UST: variants seen among roughly 807,000 people sequenced by gnomAD.
UST encodes uronyl 2-sulfotransferase, also known as chondroitin sulfate 2-O-sulfotransferase.
Under a neutral mutation model 45.6 loss-of-function variants are expected in UST, and 21 were observed. That is an observed-to-expected ratio of 0.46 (90% confidence interval 0.33 to 0.66). The LOEUF is 0.66. UST is among the 30% of genes least tolerant of loss of function. The pLI, the probability that UST is intolerant of heterozygous loss-of-function variation, is 0.02. For missense variants in UST, 463 were observed against 512.4 expected (o/e 0.90, Z 0.93); for synonymous variants, 215 against 200.6 (o/e 1.07, Z -0.61).
intron 1 of UST, among the ~76,000 whole-genome samples, chr6:148,866,493 A>G (rs1477835948): frequency 3.9e-5 from 6 of 152,160 alleles, no homozygotes; most frequent in African/African-American, 7.2e-5. Flanking sequence ...TGCGAAAACA[A>G]CATCCACCTG....
chr6:149,036,980 T>TATCA (rs1776247895), intron 7 of UST, among the ~76,000 whole-genome samples: 1 of 152,156 alleles, frequency 6.6e-6, no homozygotes, highest in Admixed American at 6.5e-5. Context: ...CATTTAAAGG[T>TATCA]ATCATTCCAC....
chr6:148,905,070 T>A (rs1476298107), intron 2 of UST, among the ~76,000 whole-genome samples: 1 of 152,226 alleles, frequency 6.6e-6, no homozygotes. Flanking sequence ...ACTTATAAAA[T>A]AGGAAGTAAT....
Position 149,073,826 on chromosome 6 carries a change from C to G in UST, c.938-7C>G. Reference sequence around the variant, plus strand: ...ATGGCTCATGTGCGACCCCGGTTCTCTTCCAGAGCACAGGAAGCTTGGAAA... The same window carrying G: ...ATGGCTCATGTGCGACCCCGGTTCTGTTCCAGAGCACAGGAAGCTTGGAAA... On this transcript the variant is annotated splice_polypyrimidine_tract_variant and splice_region_variant and intron_variant, in intron 7 of 7. Coordinates refer to ENST00000367463, the MANE Select transcript of UST (RefSeq NM_005715.3). 6.2e-7 allele frequency: 1 copy of G among 1,611,716 alleles called. No individual in the cohort carries two copies.
intron 1 of UST, among the ~76,000 whole-genome samples, chr6:148,774,284 AT>A: frequency 1.3e-5 from 2 of 148,926 alleles, no homozygotes; most frequent in Non-Finnish European, 1.5e-5. Context: ...ATATATATAT[AT>A]ATATAAAAAT....
intron 7 of UST, among the ~76,000 whole-genome samples, chr6:149,042,097 A>T (rs976605267): frequency 6.6e-6 from 1 of 152,232 alleles, no homozygotes; most frequent in Non-Finnish European, 1.5e-5. Context: ...GGGCTACCTA[A>T]TGTAATTATC....
intron 5 of UST, among the ~76,000 whole-genome samples, chr6:148,996,956 A>G (rs1421765829): frequency 6.6e-6 from 1 of 152,294 alleles, no homozygotes; most frequent in East Asian, 1.9e-4. Flanking sequence ...TTCAGGTTGT[A>G]TATGTGGAGG....
At chr6:148,941,760 C>T (rs1469934156) in intron 3 of UST, among the ~76,000 whole-genome samples, 1 of 152,202 alleles carries the variant, frequency 6.6e-6, no homozygotes, top group Non-Finnish European at 1.5e-5. Flanking sequence ...CTGACATCTT[C>T]ACCATCAAAA....
At chr6:149,054,260 C>T (rs892071418) in intron 7 of UST, among the ~76,000 whole-genome samples, 15 of 152,144 alleles carry the variant, frequency 9.9e-5, no homozygotes, top group Admixed American at 6.5e-5. Context: ...ACCAGTAGGC[C>T]TTCATTTTAT....
chr6:148,839,860 A>G (rs1033634281), intron 1 of UST, among the ~76,000 whole-genome samples: 1 of 152,182 alleles, frequency 6.6e-6, no homozygotes, highest in Non-Finnish European at 1.5e-5. Flanking sequence ...CAGAGAAGGT[A>G]AAAAGGGGTA....
chr6:148,825,085 A>C (rs1295995360), intron 1 of UST, among the ~76,000 whole-genome samples: 1 of 152,120 alleles, frequency 6.6e-6, no homozygotes, highest in Non-Finnish European at 1.5e-5. Flanking sequence ...TCTGGTCAAT[A>C]GAGTTTCCTG....
intron 7 of UST, among the ~76,000 whole-genome samples, chr6:149,036,321 G>A (rs942936709): frequency 6.6e-6 from 1 of 152,168 alleles, no homozygotes; most frequent in Non-Finnish European, 1.5e-5. Context: ...GTCCCTTTTC[G>A]TCAGCACTTC....
chr6:148,781,444 A>G (rs1256380164), intron 1 of UST, among the ~76,000 whole-genome samples: 1 of 152,192 alleles, frequency 6.6e-6, no homozygotes, highest in African/African-American at 2.4e-5. Context: ...GCTGCAGAAG[A>G]AAAGTTGGAA....
chr6:148,787,403 A>T (rs1776752914), intron 1 of UST, among the ~76,000 whole-genome samples: 1 of 152,214 alleles, frequency 6.6e-6, no homozygotes, highest in Non-Finnish European at 1.5e-5. Context: ...AATTTTTTGC[A>T]TATGGCTAGC....
At chr6:148,935,749 G>A (rs1780012790) in intron 2 of UST, among the ~76,000 whole-genome samples, 1 of 152,206 alleles carries the variant, frequency 6.6e-6, no homozygotes, top group African/African-American at 2.4e-5. Flanking sequence ...ATCAGGGGAA[G>A]GAGGGAAGGG....
rs746546399 is a variant in UST, at chr6:148,964,555, C to T, written c.673C>T (p.Arg225Cys). ...IRTPSMRQEE[R>C]YLDINECILE... ...CACCCCCAGCATGAGGCAGGAGGAG[C>T]GCTACCTGGTAAGTCCTGTCGCATG... Residue 225 changes from arginine to cysteine, a missense_variant, in exon 5 of 8, where the codon CGC becomes TGC. This residue lies in a region of UST where 287 missense variants were observed against 374.2 expected (regional missense o/e 0.77). Transcript: ENST00000367463. 3 of 1,613,580 alleles carry T rather than the reference C, an allele frequency of 1.9e-6. No homozygotes were observed. The highest frequency in any genetic ancestry group is 2.5e-6 in the Non-Finnish European group (3 of 1,180,026).
chr6:149,033,340 T>C (rs1408424377), intron 7 of UST, among the ~76,000 whole-genome samples: 4 of 152,260 alleles, frequency 2.6e-5, no homozygotes, highest in African/African-American at 9.6e-5. Flanking sequence ...CATTTTATAA[T>C]GGAAGCTTCT....
chr6:148,814,869 T>G (rs1051179444), intron 1 of UST, among the ~76,000 whole-genome samples: 3 of 152,210 alleles, frequency 2.0e-5, no homozygotes, highest in Non-Finnish European at 4.4e-5. Context: ...TTTCTGCTTA[T>G]GGGTTGGAGA....
At chr6:149,057,365 A>G (rs944475994) in intron 7 of UST, among the ~76,000 whole-genome samples, 5 of 152,236 alleles carry the variant, frequency 3.3e-5, no homozygotes, top group African/African-American at 7.2e-5. Flanking sequence ...GTGCATTTTG[A>G]AACTTTAGCA....
chr6:148,923,733 TG>T (rs1476922016), intron 2 of UST, among the ~76,000 whole-genome samples: 1 of 152,140 alleles, frequency 6.6e-6, no homozygotes, highest in Non-Finnish European at 1.5e-5. Context: ...GATGAGGGAT[TG>T]GCCAGTAGGG....
Sources: gnomAD v4.1 joint callset for allele counts (sites outside exome capture counted in the v4.1 genomes callset) on GRCh38, gnomAD v4.1.1 for gene constraint, gnomAD v4.1.1 regional missense constraint, MANE v1.5 for transcripts, NCBI Gene and HGNC (gene_info 2026-07-23, HGNC 2026-07-21) for gene names.